CADPS2: variants seen among roughly 807,000 people sequenced by gnomAD.
CADPS2 encodes calcium-dependent secretion activator 2.
In CADPS2, 93 loss-of-function variants were observed where a neutral mutation model predicts 172.5. The ratio of observed to expected loss-of-function variants is 0.54; its 90% CI spans 0.46 to 0.64. CADPS2 has a LOEUF of 0.64. Ranked by LOEUF, CADPS2 falls within the 30% of genes least tolerant of loss-of-function variation. The probability of loss-of-function intolerance (pLI) is 0.00; values close to 1 mark genes in which losing one functional copy is unlikely to be tolerated. For synonymous variants in CADPS2, 546 were observed against 555.2 expected, an observed-to-expected ratio of 0.98 and a Z score of 0.23; for missense variants, 1,420 against 1,565.9, an observed-to-expected ratio of 0.91 and a Z score of 1.57.
intron 25 of CADPS2, among the ~76,000 whole-genome samples, chr7:122,371,987 A>G (rs1310674159): frequency 2.3e-5 from 3 of 133,092 alleles, no homozygotes; most frequent in African/African-American, 8.3e-5. Context: ...AAATTAGAGG[A>G]ACAATAATAA....
intron 14 of CADPS2, among the ~76,000 whole-genome samples, chr7:122,459,339 A>G (rs1194963497): frequency 6.6e-6 from 1 of 152,026 alleles, no homozygotes; most frequent in Non-Finnish European, 1.5e-5. Context: ...CTTATACTAT[A>G]TATGTTTAAC....
chr7:122,354,164 T>C (rs1426024920), intron 27 of CADPS2: 1 of 152,178 alleles, frequency 6.6e-6, no homozygotes, highest in African/African-American at 2.4e-5. Context: ...GAAATGATTA[T>C]TTCCTACAAT....
chr7:122,571,417 C>T (rs1190403451), intron 7 of CADPS2, among the ~76,000 whole-genome samples: 1 of 152,046 alleles, frequency 6.6e-6, no homozygotes, highest in Non-Finnish European at 1.5e-5. Flanking sequence ...ACTATAATCA[C>T]CTACAAAGGA....
intron 3 of CADPS2, among the ~76,000 whole-genome samples, chr7:122,630,244 T>C (rs955101861): frequency 4.6e-5 from 7 of 152,166 alleles, no homozygotes; most frequent in African/African-American, 1.7e-4. Flanking sequence ...AGTTTACTTG[T>C]CACTTTCCCA....
Position 122,433,147 on chromosome 7 carries a change from C to CGTGT in CADPS2, c.2476+5190_2476+5193dup, listed in dbSNP as rs112891927. 2.6e-3 allele frequency among the ~76,000 whole-genome samples: 391 copies of CGTGT among 148,952 alleles called. 2 individuals are homozygous for CGTGT. The highest frequency in any genetic ancestry group is 8.5e-3 in the African/African-American group (344 of 40,706). On this transcript the variant is annotated intron_variant, in intron 17 of 29. Transcript: ENST00000449022. ...CGCTACTATACTTGGCTATTTGAGG[C>CGTGT]GTGTGTGTGTGTGTGTGGAGATGGG...
chr7:122,563,331 T>C (rs769986572), intron 7 of CADPS2, among the ~76,000 whole-genome samples: 5 of 152,186 alleles, frequency 3.3e-5, no homozygotes, highest in Non-Finnish European at 7.4e-5. Context: ...TTTATCATTT[T>C]TCTTTTTACT....
At chr7:122,801,957 A>G (rs1797752506) in intron 1 of CADPS2, among the ~76,000 whole-genome samples, 6 of 152,262 alleles carry the variant, frequency 3.9e-5, no homozygotes, top group African/African-American at 1.4e-4. Flanking sequence ...TAAAATCAAC[A>G]TTCAAATAAT....
At chr7:122,655,919 C>A (rs993952149) in intron 3 of CADPS2, among the ~76,000 whole-genome samples, 4 of 152,108 alleles carry the variant, frequency 2.6e-5, no homozygotes, top group African/African-American at 9.7e-5. Flanking sequence ...GCTTGGAAGT[C>A]ATCACTCCCA....
intron 2 of CADPS2, among the ~76,000 whole-genome samples, chr7:122,735,398 A>G (rs909649839): frequency 1.3e-5 from 2 of 152,094 alleles, no homozygotes; most frequent in African/African-American, 2.4e-5. Context: ...TTTTATTCAT[A>G]TATGGTGCCC....
chr7:122,733,945 TAAATTAAATTAAAAATCA>T (rs2091906434), intron 2 of CADPS2, among the ~76,000 whole-genome samples: 1 of 151,904 alleles, frequency 6.6e-6, no homozygotes, highest in South Asian at 2.1e-4. Context: ...TGTCTCAAAA[TAAATTAAATTAAAAATCA>T]AAATTAAATA....
intron 1 of CADPS2, among the ~76,000 whole-genome samples, chr7:122,839,035 A>T (rs1212755588): frequency 6.6e-6 from 1 of 152,204 alleles, no homozygotes; most frequent in Non-Finnish European, 1.5e-5. Flanking sequence ...ACCATACTAC[A>T]AGGCTACAGT....
At chr7:122,708,843 CG>C (rs931350723) in intron 2 of CADPS2, among the ~76,000 whole-genome samples, 3 of 151,480 alleles carry the variant, frequency 2.0e-5, no homozygotes, top group Middle Eastern at 3.4e-3. Flanking sequence ...TGGGAAGTAA[CG>C]GGGGGAAAAA....
chr7:122,484,128 A>T (rs1162779808), intron 11 of CADPS2, among the ~76,000 whole-genome samples: 1 of 152,190 alleles, frequency 6.6e-6, no homozygotes, highest in Non-Finnish European at 1.5e-5. Flanking sequence ...TACCCCATAT[A>T]TATAAACAAT....
At chr7:122,440,992 T>C (rs892236677) in intron 16 of CADPS2, among the ~76,000 whole-genome samples, 1 of 152,132 alleles carries the variant, frequency 6.6e-6, no homozygotes, top group Non-Finnish European at 1.5e-5. Context: ...GGTTATTTTG[T>C]GGGGGAGAAA....
chr7:122,827,133 G>C (rs77531465), intron 1 of CADPS2, among the ~76,000 whole-genome samples: 2,473 of 152,144 alleles, frequency 0.016, 63 homozygotes, highest in African/African-American at 0.056. Context: ...AAATATGAGA[G>C]ACTACTATGA....
Position 122,737,862 on chromosome 7 carries a change from G to A in CADPS2, c.340-794C>T, listed in dbSNP as rs548725915. Among the ~76,000 whole-genome samples the A allele has an allele frequency of 4.6e-4, 70 of 152,236 alleles. 1 individual carries two copies. The highest frequency in any genetic ancestry group is 1.7e-3 in the African/African-American group (70 of 41,542). On this transcript the variant is annotated intron_variant, in intron 1 of 29. Transcript: ENST00000449022. ...AGTTAATAGGAAGAAAGACTGAAAAGACAGAACGTACCCTAAGAAAGATCC... is the reference window on the plus strand; with the variant it reads ...AGTTAATAGGAAGAAAGACTGAAAAAACAGAACGTACCCTAAGAAAGATCC...
At chr7:122,788,084 C>T (rs1794460722) in intron 1 of CADPS2, among the ~76,000 whole-genome samples, 1 of 152,184 alleles carries the variant, frequency 6.6e-6, no homozygotes, top group Admixed American at 6.6e-5. Flanking sequence ...ATGTAAAAAT[C>T]TGCCCAGCCA....
At chr7:122,794,485 T>G (rs1450471777) in intron 1 of CADPS2, among the ~76,000 whole-genome samples, 1 of 152,054 alleles carries the variant, frequency 6.6e-6, no homozygotes, top group African/African-American at 2.4e-5. Flanking sequence ...CTGGCTATTT[T>G]GTCTATCAGA....
At chr7:122,757,865 C>T (rs1278809740) in intron 1 of CADPS2, among the ~76,000 whole-genome samples, 1 of 151,972 alleles carries the variant, frequency 6.6e-6, no homozygotes, top group East Asian at 1.9e-4. Flanking sequence ...TTAGGCCAGA[C>T]TCAATTAGTA....
Sources: allele counts gnomAD v4.1 joint callset (sites outside exome capture counted in the v4.1 genomes callset), GRCh38; gene constraint gnomAD v4.1.1; transcripts MANE v1.5; gene names NCBI Gene and HGNC (gene_info 2026-07-23, HGNC 2026-07-21).